The following SPHKAP variants were observed in gnomAD, a reference collection of about 807,000 sequenced individuals.
SPHKAP encodes the protein SPHK1 interactor, AKAP domain containing.
SPHKAP carries 67 observed loss-of-function variants against 137.5 expected under a neutral mutation model. The observed-to-expected ratio is 0.49, with a 90% CI of 0.40 to 0.60. The LOEUF (loss-of-function observed/expected upper bound fraction) is 0.60. Among genes scored for constraint, SPHKAP ranks in the 20% least tolerant of loss-of-function variants. SPHKAP has a pLI of 0.00. For missense variants in SPHKAP, 2,097 were observed against 2,069.3 expected (o/e 1.01, Z -0.26); for synonymous variants, 813 against 785.3 (o/e 1.04, Z -0.59).
chr2:228,136,479 G>A (rs1310461462), intron 1 of SPHKAP, among the ~76,000 whole-genome samples: 1 of 152,220 alleles, frequency 6.6e-6, no homozygotes, highest in Non-Finnish European at 1.5e-5. Context: ...AGTGACTCAT[G>A]CAGTATGAAG....
intron 3 of SPHKAP, among the ~76,000 whole-genome samples, chr2:228,048,970 G>A (rs539499558): frequency 6.6e-5 from 10 of 152,178 alleles, no homozygotes; most frequent in African/African-American, 9.6e-5. Context: ...TAAGCAACAC[G>A]CGATTGCACT....
rs1371306782 is a variant in SPHKAP at position 228,065,397 on chromosome 2, G to C, written c.247-37854C>G. Among the ~76,000 whole-genome samples the C allele has an allele frequency of 3.9e-5, 6 of 152,192 alleles. No homozygotes were observed. In the East Asian group the frequency reaches 1.2e-3, roughly 29 times the overall value. On this transcript the variant is annotated intron_variant, in intron 3 of 11. Transcript: ENST00000392056. ...CAAGTAAGGCAAGGATTGAAAACAA[G>C]TCTATTGGTTCTTGATAAACTTGGC...
chr2:227,984,215 G>A (rs753908382), intron 11 of SPHKAP, among the ~76,000 whole-genome samples: 19 of 149,818 alleles, frequency 1.3e-4, no homozygotes, highest in African/African-American at 2.5e-4. Flanking sequence ...CAGGAGAATC[G>A]CTTGAACCTA....
At chr2:228,078,796 C>T (rs1697264238) in intron 3 of SPHKAP, among the ~76,000 whole-genome samples, 1 of 152,086 alleles carries the variant, frequency 6.6e-6, no homozygotes, top group Non-Finnish European at 1.5e-5. Context: ...AGAGAGATAC[C>T]CACTGAGTAG....
At chr2:228,027,245 T>C (rs1695078730) in intron 4 of SPHKAP, among the ~76,000 whole-genome samples, 1 of 152,186 alleles carries the variant, frequency 6.6e-6, no homozygotes, top group Admixed American at 6.5e-5. Context: ...TTTAAGGCAC[T>C]GATGGGCAAG....
rs969920560 is a variant in SPHKAP, at chr2:227,996,031, G to A, written c.4449-337C>T. The A allele has an allele frequency of 7.6e-5, 75 of 985,116 alleles. No homozygotes were observed. In the African/African-American group the frequency reaches 9.4e-4, roughly 12 times the overall value. 61.0% of individuals were successfully genotyped at this position (985,116 alleles called of 1,614,324 possible). ...AAGAAGATACACAAAGCATTCACCC[G>A]AGAGATTATGATTCAGTGTTTCTGG... is the stretch of plus-strand genomic sequence containing the variant. On this transcript the variant is annotated intron_variant, in intron 7 of 11. Transcript: ENST00000392056.
chr2:228,159,102 C>T (rs2106410498), intron 1 of SPHKAP, among the ~76,000 whole-genome samples: 1 of 152,282 alleles, frequency 6.6e-6, no homozygotes, highest in Non-Finnish European at 1.5e-5. Context: ...TCCATCCTCT[C>T]CCGACTCTGA....
chr2:228,150,790 G>A (rs753040425), intron 1 of SPHKAP, among the ~76,000 whole-genome samples: 7 of 151,360 alleles, frequency 4.6e-5, no homozygotes, highest in Non-Finnish European at 8.8e-5. Flanking sequence ...TCATTCTGTC[G>A]CCCAGGCTGG....
intron 7 of SPHKAP, among the ~76,000 whole-genome samples, chr2:228,012,717 G>A (rs1694435519): frequency 6.6e-6 from 1 of 152,098 alleles, no homozygotes; most frequent in Admixed American, 6.6e-5. Context: ...AATATTTGTT[G>A]GATGAATAAT....
At position 228,019,955 on chromosome 2, in the gene SPHKAP, T is replaced by C; in HGVS notation, c.899A>G (p.Asp300Gly). ...LTKNTALQSL[D>G]PSAKPSQWKR... ...CCACTGTGATGGCTTGGCTGAGGGA[T>C]CTAGACTCTGCAAGGCTGTGTTCTT... The change falls in exon 7 of 12, where the codon GAT becomes GGT. Residue 300 changes from aspartate (D) to glycine (G), a missense_variant. Transcript: ENST00000392056. The C allele has an allele frequency of 1.2e-6, 2 of 1,614,224 alleles. No individual in the cohort carries two copies. Among genetic ancestry groups the C allele is most frequent in the Non-Finnish European group, 1.7e-6 (2 of 1,180,036 alleles).
chr2:228,081,051 G>T (rs547575725), intron 3 of SPHKAP, among the ~76,000 whole-genome samples: 1 of 151,966 alleles, frequency 6.6e-6, no homozygotes, highest in East Asian at 1.9e-4. Flanking sequence ...TCTGCCAAAA[G>T]GAAAAAAAAA....
At chr2:228,053,966 G>A (rs1007039952) in intron 3 of SPHKAP, among the ~76,000 whole-genome samples, 3 of 152,268 alleles carry the variant, frequency 2.0e-5, no homozygotes, top group South Asian at 4.1e-4. Flanking sequence ...TTAGTGCATT[G>A]CTTCAAACAT....
At chr2:228,108,115 G>A (rs1167120191) in intron 3 of SPHKAP, among the ~76,000 whole-genome samples, 3 of 152,036 alleles carry the variant, frequency 2.0e-5, no homozygotes, top group East Asian at 1.9e-4. Context: ...TTAGTCATGC[G>A]AATTACATTA....
intron 3 of SPHKAP, among the ~76,000 whole-genome samples, chr2:228,037,015 C>T (rs1358560668): frequency 6.6e-6 from 1 of 151,970 alleles, no homozygotes; most frequent in African/African-American, 2.4e-5. Flanking sequence ...CGCATGTACC[C>T]TAAAACTTAA....
At chr2:228,123,269 T>C (rs140100301) in intron 2 of SPHKAP, among the ~76,000 whole-genome samples, 1,864 of 152,338 alleles carry the variant, frequency 0.012, 15 homozygotes, top group Non-Finnish European at 0.019. Flanking sequence ...CTGATTACTC[T>C]TGCAGAATGG....
At chr2:228,033,992 T>A (rs1413384804) in intron 3 of SPHKAP, among the ~76,000 whole-genome samples, 6 of 151,962 alleles carry the variant, frequency 3.9e-5, no homozygotes, top group Non-Finnish European at 7.4e-5. Context: ...GAGCAAACAC[T>A]TTCAAAAACT....
intron 3 of SPHKAP, among the ~76,000 whole-genome samples, chr2:228,061,564 G>A (rs12463659): frequency 0.22 from 33,100 of 151,842 alleles, 3,878 homozygotes; most frequent in East Asian, 0.38. Flanking sequence ...GAGCCACCGC[G>A]CCCGACCTAA....
chr2:228,139,962 T>G (rs1361477622), intron 1 of SPHKAP, among the ~76,000 whole-genome samples: 1 of 87,162 alleles, frequency 1.1e-5, no homozygotes. Flanking sequence ...CTTTTTCTTT[T>G]GAGATAGAGT....
chr2:227,992,226 G>T (rs888589988), intron 9 of SPHKAP, among the ~76,000 whole-genome samples: 6 of 152,188 alleles, frequency 3.9e-5, no homozygotes, highest in African/African-American at 1.4e-4. Context: ...TTCTGCTACT[G>T]CTAAGATATG....
Sources: gnomAD v4.1 joint callset for allele counts (sites outside exome capture counted in the v4.1 genomes callset) on GRCh38, gnomAD v4.1.1 for gene constraint, MANE v1.5 for transcripts, NCBI Gene and HGNC (gene_info 2026-07-23, HGNC 2026-07-21) for gene names.